PPP2R1A: variants seen among roughly 807,000 people sequenced by gnomAD.
PPP2R1A encodes the protein serine/threonine-protein phosphatase 2A 65 kDa regulatory subunit A alpha isoform.
In PPP2R1A, 15 loss-of-function variants were observed where a neutral mutation model predicts 67.1. That is an observed-to-expected ratio of 0.22 (90% confidence interval 0.15 to 0.34). The LOEUF (loss-of-function observed/expected upper bound fraction) is 0.34. Ranked by LOEUF, PPP2R1A falls within the 10% of genes least tolerant of loss-of-function variation. The pLI, the probability that PPP2R1A is intolerant of heterozygous loss-of-function variation, is 1.00. For synonymous variants in PPP2R1A, 337 were observed against 325.0 expected, an observed-to-expected ratio of 1.04 and a Z score of -0.40; for missense variants, 369 against 775.0, an observed-to-expected ratio of 0.48 and a Z score of 6.22.
chr19:52,201,893 C>A, intron 1 of PPP2R1A, 51 bp from the exon 2 acceptor site: 1 of 1,544,518 alleles, frequency 6.5e-7, no homozygotes. Context: ...AGAACTCACG[C>A]GTGTCTGGGA....
rs972085811 is a variant in PPP2R1A at position 52,228,850 on chromosome 19, C to T, written c.*2869C>T. On this transcript the variant is annotated 3_prime_UTR_variant, in exon 15 of 15. Coordinates refer to ENST00000322088, the MANE Select transcript of PPP2R1A (RefSeq NM_014225.6). Reference sequence around the variant, plus strand: ...CCTTCCACTGCATTGACCCAGACATCTGGATGTGGATGAGGTCGAGTCACT... The same window carrying T: ...CCTTCCACTGCATTGACCCAGACATTTGGATGTGGATGAGGTCGAGTCACT... 1 of 152,274 alleles carries T rather than the reference C, an allele frequency of 6.6e-6. No homozygotes were observed. Among genetic ancestry groups the T allele is most frequent in the African/African-American group, 2.4e-5 (1 of 41,466 alleles). The allele number at this position is 152,274 out of a possible 1,614,324, so 9.4% of individuals were successfully genotyped here.
In PPP2R1A at chr19:52,206,076, C is replaced by G; in HGVS notation, c.270+13C>G. 1.2e-6 allele frequency: 2 copies of G among 1,610,270 alleles called. No homozygotes were observed. Among genetic ancestry groups the G allele is most frequent in the Non-Finnish European group, 8.5e-7 (1 of 1,176,708 alleles). ...GCACTGCCTGCTGGTGAGTGGAAGG[C>G]AGGAAGTCCTCTTGCCCACCCCTTA... On this transcript the variant is annotated intron_variant, in intron 3 of 14. Coordinates refer to ENST00000322088, the MANE Select transcript of PPP2R1A (RefSeq NM_014225.6).
chr19:52,226,145 A>T lies in PPP2R1A; in HGVS notation c.*164A>T. On this transcript the variant is annotated 3_prime_UTR_variant, in exon 15 of 15. Coordinates refer to ENST00000322088, the MANE Select transcript of PPP2R1A (RefSeq NM_014225.6). ...TTCCTCCTCTCCCCAGCCTGGGAAG[A>T]TGTCTCACTGTCCACCTCCCAACGG... 9.2e-7 allele frequency: 1 copy of T among 1,091,170 alleles called. No individual in the cohort carries two copies. The highest frequency in any genetic ancestry group is 1.3e-6 in the Non-Finnish European group (1 of 751,150). The allele number at this position is 1,091,170 out of a possible 1,614,324, so 67.6% of individuals were successfully genotyped here.
intron 3 of PPP2R1A, among the ~76,000 whole-genome samples, chr19:52,207,916 CTT>C (rs1248667192): frequency 3.3e-5 from 5 of 152,040 alleles, no homozygotes; most frequent in Non-Finnish European, 7.4e-5. Context: ...GCCTAACCTG[CTT>C]AGGTGGGATG....
intron 3 of PPP2R1A, among the ~76,000 whole-genome samples, chr19:52,206,899 C>T (rs970208414): frequency 7.9e-5 from 12 of 151,760 alleles, no homozygotes; most frequent in South Asian, 2.1e-4. Context: ...ATTTCACTGT[C>T]GCTAGAGATA....
chr19:52,199,371 G>A lies in PPP2R1A; in HGVS notation c.79-2573G>A, dbSNP rs538777817. ...TTTATGGTAGAGACGGGGTTTCACC[G>A]TGTTAGCCAGGATGGTCTCGATCTC... On this transcript the variant is annotated intron_variant, in intron 1 of 14. Coordinates refer to ENST00000322088, the MANE Select transcript of PPP2R1A (RefSeq NM_014225.6). 1.4e-4 allele frequency among the ~76,000 whole-genome samples: 22 copies of A among 152,116 alleles called. No homozygotes were observed. In the South Asian group the frequency reaches 1.7e-3, roughly 11 times the overall value.
At position 52,225,971 on chromosome 19, in the gene PPP2R1A, C is replaced by T. The variant is rs2122382884; in HGVS notation, c.1760C>T (p.Ser587Phe). 6.2e-7 allele frequency: 1 copy of T among 1,614,248 alleles called. No homozygotes were observed. Among genetic ancestry groups the T allele is most frequent in the South Asian group, 1.1e-5 (1 of 91,092 alleles). The change falls in exon 15 of 15, where the codon TCT becomes TTT. Residue 587 changes from serine (S) to phenylalanine (F), a missense_variant. Ser to Phe is a radical substitution (Grantham distance 155, BLOSUM62 -2). Around this residue, in one of 2 missense-constraint regions of PPP2R1A, gnomAD observed 276 missense variants for 508.4 expected, o/e 0.54. Transcript: ENST00000322088. ...CCTGTTCCTGTTTTCCTAGTTCTGT[C>T]TCTCGCCTGATGCTGGAAGAGGAGC... ...YFAQEALTVL[S>F]LA
intron 1 of PPP2R1A, chr19:52,201,137 T>A (rs139340133): frequency 1.3e-5 from 2 of 151,816 alleles, no homozygotes; most frequent in Non-Finnish European, 2.9e-5. Context: ...AGGCTAACCC[T>A]CCGTTTAGGA....
intron 13 of PPP2R1A, among the ~76,000 whole-genome samples, chr19:52,225,237 G>A (rs1979184785): frequency 6.6e-6 from 1 of 151,896 alleles, no homozygotes; most frequent in Non-Finnish European, 1.5e-5. Flanking sequence ...GGCCAGGCTG[G>A]TCTCAAACTC....
chr19:52,226,211 A>C lies in PPP2R1A; in HGVS notation c.*230A>C. The C allele has an allele frequency of 1.6e-6, 1 of 626,492 alleles. No homozygotes were observed. The highest frequency in any genetic ancestry group is 2.7e-6 in the Non-Finnish European group (1 of 364,896). 38.8% of individuals were successfully genotyped at this position (626,492 alleles called of 1,614,324 possible). A position where few individuals can be genotyped will look rare whatever the true frequency, so the allele number is the denominator to read the frequency against. ...GGTTGGACAGGACAGTGACCTTGGG[A>C]GGAAGGGGCTACTCCGCCCACGTCA... On this transcript the variant is annotated 3_prime_UTR_variant, in exon 15 of 15. Transcript: ENST00000322088.
chr19:52,220,385 G>C, intron 11 of PPP2R1A, 136 bp downstream of exon 11: 3 of 924,326 alleles, frequency 3.2e-6, no homozygotes, highest in Non-Finnish European at 5.1e-6. Context: ...GGACCAGCTC[G>C]CATGCTTGTT....
chr19:52,211,816 C>A lies in PPP2R1A; in HGVS notation c.503+324C>A. 1 of 355,172 alleles carries A rather than the reference C, an allele frequency of 2.8e-6. No individual in the cohort carries two copies. The highest frequency in any genetic ancestry group is 5.1e-6 in the Non-Finnish European group (1 of 194,256). 22.0% of individuals were successfully genotyped at this position (355,172 alleles called of 1,614,324 possible). A position where few individuals can be genotyped will look rare whatever the true frequency, so the allele number is the denominator to read the frequency against. Reference sequence around the variant, plus strand: ...AAATCTGGAACATAAAAACTTTCAGCAACTTACATCTGATGGTATCTCCAG... The same window carrying A: ...AAATCTGGAACATAAAAACTTTCAGAAACTTACATCTGATGGTATCTCCAG... On this transcript the variant is annotated intron_variant, in intron 4 of 14. Coordinates refer to ENST00000322088, the MANE Select transcript of PPP2R1A (RefSeq NM_014225.6). The surrounding 1 kb of genome is among the most constrained non-coding windows in gnomAD (Gnocchi z 5.3).
chr19:52,210,638 C>T lies in PPP2R1A; in HGVS notation c.271-622C>T, dbSNP rs528029905. ...TCCCGAGTAGCTGGGATTACAGGTG[C>T]GCACCACCACACCCAGCTAATTTTT... is the stretch of plus-strand genomic sequence containing the variant. On this transcript the variant is annotated intron_variant, in intron 3 of 14. Transcript: ENST00000322088. 1.6e-4 allele frequency among the ~76,000 whole-genome samples: 25 copies of T among 151,912 alleles called. No individual in the cohort carries two copies. In the South Asian group the frequency reaches 2.5e-3, roughly 15 times the overall value.
chr19:52,226,857 G>A lies in PPP2R1A; in HGVS notation c.*876G>A, dbSNP rs765381658. 3 of 152,222 alleles carry A rather than the reference G, an allele frequency of 2.0e-5. No homozygotes were observed. Among genetic ancestry groups the A allele is most frequent in the African/African-American group, 2.4e-5 (1 of 41,428 alleles). 9.4% of individuals were successfully genotyped at this position (152,222 alleles called of 1,614,324 possible). A position where few individuals can be genotyped will look rare whatever the true frequency, so the allele number is the denominator to read the frequency against. On this transcript the variant is annotated 3_prime_UTR_variant, in exon 15 of 15. Transcript: ENST00000322088. The stretch of plus-strand genomic sequence containing the variant: ...AAGTGAATTAGTACCTGGAAAGTGT[G>A]TAACAGTTTCAACATGAGAAGTACA...
Position 52,226,021 on chromosome 19 carries a change from C to G in PPP2R1A, c.*40C>G, listed in dbSNP as rs773022362. Reference sequence around the variant, plus strand: ...CAAACACTGGCCTCTGGTGTCCACCCTCCAACCCCCACAAGTCCCTCTTTG... The same window carrying G: ...CAAACACTGGCCTCTGGTGTCCACCGTCCAACCCCCACAAGTCCCTCTTTG... On this transcript the variant is annotated 3_prime_UTR_variant, in exon 15 of 15. Transcript: ENST00000322088. The G allele has an allele frequency of 4.3e-6, 7 of 1,614,104 alleles. No homozygotes were observed. In the South Asian group the frequency reaches 5.5e-5, roughly 13 times the overall value.
Position 52,211,481 on chromosome 19 carries a change from G to A in PPP2R1A, c.492G>A (p.Ala164=), listed in dbSNP as rs200540971. Reference sequence around the variant, plus strand: ...CCCGAGTGTCCAGTGCTGTGAAGGCGGAACTTCGACAGTGAGTCTCTGCCT... The same window carrying A: ...CCCGAGTGTCCAGTGCTGTGAAGGCAGAACTTCGACAGTGAGTCTCTGCCT... ...CYPRVSSAVK[A]ELRQYFRNLC... Residue 164 remains alanine (A), a synonymous_variant, in exon 4 of 15, where the codon GCG becomes GCA. Coordinates refer to ENST00000322088, the MANE Select transcript of PPP2R1A (RefSeq NM_014225.6). This position sits in a 1 kb window ranked among gnomAD's most constrained non-coding sequence, Gnocchi z 5.3. The A allele has an allele frequency of 4.0e-5, 64 of 1,607,958 alleles. 1 individual carries two copies. The Admixed American group carries it at 5.0e-4, about 13-fold the overall frequency.
chr19:52,225,279 C>T (rs1979186963), intron 13 of PPP2R1A, among the ~76,000 whole-genome samples: 1 of 152,008 alleles, frequency 6.6e-6, no homozygotes, highest in Admixed American at 6.6e-5. Flanking sequence ...ACCTTGGCCT[C>T]CCAAAATGCT....
chr19:52,192,850 G>A (rs1302720123), intron 1 of PPP2R1A, among the ~76,000 whole-genome samples: 1 of 152,118 alleles, frequency 6.6e-6, no homozygotes. Context: ...CCCTCCCTAG[G>A]CATTCCACCC....
intron 2 of PPP2R1A, among the ~76,000 whole-genome samples, chr19:52,203,884 T>C (rs2089576432): frequency 6.6e-6 from 1 of 152,158 alleles, no homozygotes; most frequent in Admixed American, 6.5e-5. Context: ...CACTTATGTT[T>C]ACTGGTTTAT....
Sources: allele counts gnomAD v4.1 joint callset (sites outside exome capture counted in the v4.1 genomes callset), GRCh38; gene constraint gnomAD v4.1.1; regional missense constraint gnomAD v4.1.1; non-coding constraint Gnocchi (gnomAD v3.1); transcripts MANE v1.5; gene names NCBI Gene and HGNC (gene_info 2026-07-23, HGNC 2026-07-21).